Variants in ATRNL1 observed in about 807,000 individuals in gnomAD.
ATRNL1 encodes attractin like 1.
In ATRNL1, 95 loss-of-function variants were observed where a neutral mutation model predicts 182.7. That is an observed-to-expected ratio of 0.52 (90% CI 0.44 to 0.62). The LOEUF (loss-of-function observed/expected upper bound fraction) is 0.62. Ranked by LOEUF, ATRNL1 falls within the 20% of genes least tolerant of loss-of-function variation. The pLI is 0.00. For missense variants in ATRNL1, 1,471 were observed against 1,679.5 expected (o/e 0.88, Z 2.17); for synonymous variants, 576 against 568.3 (o/e 1.01, Z -0.19).
intron 8 of ATRNL1, among the ~76,000 whole-genome samples, chr10:115,195,096 T>G (rs188367663): frequency 6.6e-6 from 1 of 152,158 alleles, no homozygotes; most frequent in African/African-American, 2.4e-5. Flanking sequence ...TTTTGATTGG[T>G]TTGTTTTTTA....
intron 27 of ATRNL1, among the ~76,000 whole-genome samples, chr10:115,830,964 T>C (rs565403418): frequency 7.2e-5 from 11 of 152,182 alleles, no homozygotes; most frequent in South Asian, 2.1e-4. Flanking sequence ...CTTGCCTTTT[T>C]ATCCCTTGGC....
At chr10:115,438,286 T>C (rs1455424330) in intron 21 of ATRNL1, among the ~76,000 whole-genome samples, 1 of 152,012 alleles carries the variant, frequency 6.6e-6, no homozygotes, top group African/African-American at 2.4e-5. Flanking sequence ...ATTTCCAGTA[T>C]ACACCTTGAT....
chr10:115,737,252 C>G (rs1352764889), intron 27 of ATRNL1, among the ~76,000 whole-genome samples: 2 of 140,336 alleles, frequency 1.4e-5, no homozygotes, highest in Non-Finnish European at 3.1e-5. Flanking sequence ...ATGGCAAAAC[C>G]CTGTCTCTAC....
At chr10:115,643,969 C>T (rs1555031337) in intron 26 of ATRNL1, among the ~76,000 whole-genome samples, 1 of 152,106 alleles carries the variant, frequency 6.6e-6, no homozygotes, top group African/African-American at 2.4e-5. Context: ...TCCATCTTTA[C>T]CCCAAAGAAG....
intron 6 of ATRNL1, 33 bp downstream of exon 6, chr10:115,160,247 T>C (rs782611164): frequency 1.3e-6 from 2 of 1,553,518 alleles, no homozygotes; most frequent in Admixed American, 1.9e-5. Context: ...TTGCTGTTTT[T>C]TAAGCTGGAT....
In ATRNL1 at chr10:115,093,550, C is replaced by G. The variant is rs1554862084; in HGVS notation, c.-201C>G. Reference sequence around the variant, plus strand: ...GGTCGGGAGACTGGGTGGCGATGCCCGAGTGCGACTGGAGGCAGCCGAGCG... The same window carrying G: ...GGTCGGGAGACTGGGTGGCGATGCCGGAGTGCGACTGGAGGCAGCCGAGCG... On this transcript the variant is annotated 5_prime_UTR_variant, in exon 1 of 29. Transcript: ENST00000355044. The surrounding 1 kb of genome is among the most constrained non-coding windows in gnomAD (Gnocchi z 6.1). 4 of 694,412 alleles carry G rather than the reference C, an allele frequency of 5.8e-6. No individual in the cohort carries two copies. The highest frequency in any genetic ancestry group is 1.0e-5 in the Non-Finnish European group (4 of 386,716). The allele number at this position is 694,412 out of a possible 1,614,324, so 43.0% of individuals were successfully genotyped here.
intron 26 of ATRNL1, among the ~76,000 whole-genome samples, chr10:115,635,462 G>C (rs1555027772): frequency 6.6e-6 from 1 of 152,042 alleles, no homozygotes; most frequent in Non-Finnish European, 1.5e-5. Flanking sequence ...CTATCAAATG[G>C]CTAAAATGAA....
intron 27 of ATRNL1, among the ~76,000 whole-genome samples, chr10:115,784,517 C>T (rs1215700778): frequency 1.3e-5 from 2 of 152,140 alleles, no homozygotes; most frequent in African/African-American, 4.8e-5. Flanking sequence ...TCTAGAACTG[C>T]CGTAACAGAT....
intron 26 of ATRNL1, among the ~76,000 whole-genome samples, chr10:115,684,478 T>C (rs1555045745): frequency 6.6e-6 from 1 of 151,304 alleles, no homozygotes; most frequent in African/African-American, 2.4e-5. Context: ...TCTAACAATT[T>C]TATATCTGTA....
rs559486476 is a variant in ATRNL1 at position 115,826,636 on chromosome 10, G to T, written c.3904-21241G>T. ...AAGAGGAATGAAGTCACGGACACCGGAGAGCGAGTAAGGCAGAATAGAATT... is the reference window on the plus strand; with the variant it reads ...AAGAGGAATGAAGTCACGGACACCGTAGAGCGAGTAAGGCAGAATAGAATT... On this transcript the variant is annotated intron_variant, in intron 27 of 28. Coordinates refer to ENST00000355044, the MANE Select transcript of ATRNL1 (RefSeq NM_207303.4). Among the ~76,000 whole-genome samples, 5 of 152,262 alleles carry T rather than the reference G, an allele frequency of 3.3e-5. No individual in the cohort carries two copies. In the East Asian group the frequency reaches 5.8e-4, roughly 18 times the overall value.
chr10:115,284,888 A>G (rs566502009), intron 14 of ATRNL1, among the ~76,000 whole-genome samples: 1 of 152,346 alleles, frequency 6.6e-6, no homozygotes, highest in African/African-American at 2.4e-5. Context: ...ATTAAAACAG[A>G]AATATTAAAA....
chr10:115,469,681 T>C (rs1455460911), intron 24 of ATRNL1, among the ~76,000 whole-genome samples: 3 of 150,742 alleles, frequency 2.0e-5, no homozygotes, highest in Non-Finnish European at 4.5e-5. Context: ...TTGAGTAGTC[T>C]TATTTTTACT....
intron 27 of ATRNL1, among the ~76,000 whole-genome samples, chr10:115,815,325 T>C (rs1950135975): frequency 6.6e-6 from 1 of 152,076 alleles, no homozygotes; most frequent in Admixed American, 6.6e-5. Flanking sequence ...CATGTGTTAA[T>C]ATTTGAATTA....
At chr10:115,738,456 A>T (rs1555066790) in intron 27 of ATRNL1, among the ~76,000 whole-genome samples, 2 of 152,016 alleles carry the variant, frequency 1.3e-5, no homozygotes, top group Non-Finnish European at 2.9e-5. Flanking sequence ...TTTTATTTTA[A>T]GAAAATTATT....
At chr10:115,932,150 A>G (rs933274081) in intron 28 of ATRNL1, among the ~76,000 whole-genome samples, 1 of 152,226 alleles carries the variant, frequency 6.6e-6, no homozygotes. Context: ...AAGGGCCAGC[A>G]TTTATGGGAT....
At chr10:115,439,440 C>T (rs1846559877) in intron 21 of ATRNL1, among the ~76,000 whole-genome samples, 1 of 151,710 alleles carries the variant, frequency 6.6e-6, no homozygotes, top group Non-Finnish European at 1.5e-5. Flanking sequence ...GGAAATACTG[C>T]ATGTTCATTC....
intron 8 of ATRNL1, among the ~76,000 whole-genome samples, chr10:115,171,628 T>C (rs1365038705): frequency 1.3e-5 from 2 of 152,044 alleles, no homozygotes; most frequent in Non-Finnish European, 2.9e-5. Flanking sequence ...CCCAGTCTCT[T>C]TACTATGCAT....
chr10:115,927,117 A>G (rs528919445), intron 28 of ATRNL1, among the ~76,000 whole-genome samples: 1 of 152,308 alleles, frequency 6.6e-6, no homozygotes, highest in East Asian at 1.9e-4. Context: ...CAACATACAC[A>G]AATCAATAAA....
At chr10:115,523,211 G>T (rs1851042630) in intron 25 of ATRNL1, among the ~76,000 whole-genome samples, 1 of 152,124 alleles carries the variant, frequency 6.6e-6, no homozygotes, top group Non-Finnish European at 1.5e-5. Context: ...GAGATGTGGG[G>T]AGCACTTTCT....
Sources: gnomAD v4.1 joint callset for allele counts (sites outside exome capture counted in the v4.1 genomes callset) on GRCh38, gnomAD v4.1.1 for gene constraint, Gnocchi (gnomAD v3.1) non-coding constraint, MANE v1.5 for transcripts, NCBI Gene and HGNC (gene_info 2026-07-23, HGNC 2026-07-21) for gene names.